GEMIN2: variants seen among roughly 807,000 people sequenced by gnomAD.
GEMIN2 encodes gem-associated protein 2.
In GEMIN2, 37 loss-of-function variants were observed where a neutral mutation model predicts 45.8. That is an observed-to-expected ratio of 0.81 (90% CI 0.62 to 1.06). GEMIN2 has a LOEUF of 1.06. GEMIN2 is among the 50% of genes least tolerant of loss of function. The pLI is 0.00. For missense variants in GEMIN2, 335 were observed against 321.8 expected (o/e 1.04, Z -0.31); for synonymous variants, 101 against 111.5 (o/e 0.91, Z 0.60).
intron 9 of GEMIN2, among the ~76,000 whole-genome samples, chr14:39,136,112 T>G (rs1486919429): frequency 6.6e-6 from 1 of 152,088 alleles, no homozygotes; most frequent in African/African-American, 2.4e-5. Context: ...AAGAAAAATA[T>G]AAACAAACAC....
At chr14:39,127,473 G>A (rs546126652) in intron 6 of GEMIN2, among the ~76,000 whole-genome samples, 15 of 149,658 alleles carry the variant, frequency 1.0e-4, no homozygotes, top group Admixed American at 2.7e-4. Flanking sequence ...CTCCCTAGTA[G>A]CTGGGACTGC....
chr14:39,116,049 CT>C (rs752478065), intron 2 of GEMIN2, among the ~76,000 whole-genome samples: 33 of 147,798 alleles, frequency 2.2e-4, no homozygotes, highest in African/African-American at 2.5e-4. Flanking sequence ...CTTTTTCCCC[CT>C]TTTTTTTTTG....
rs749902948 is a variant in GEMIN2, at chr14:39,122,532, G to C, written c.475G>C (p.Asp159His). ...AGCCACAAATGAAAGTCCTGGAATAGATTATGTACAAGTAAGGGCTGTGTG... is the reference window on the plus strand; with the variant it reads ...AGCCACAAATGAAAGTCCTGGAATACATTATGTACAAGTAAGGGCTGTGTG... ...GPATNESPGI[D>H]YVQIGFPPLL... Residue 159 changes from aspartate to histidine, a missense_variant, in exon 5 of 10, where the codon GAT becomes CAT. Asp to His is a moderately conservative substitution (Grantham distance 81). Transcript: ENST00000308317. 2 of 1,546,640 alleles carry C rather than the reference G, an allele frequency of 1.3e-6. No homozygotes were observed. The highest frequency in any genetic ancestry group is 3.4e-5 in the Admixed American group (2 of 58,656).
chr14:39,133,808 G>GC, intron 9 of GEMIN2, 89 bp downstream of exon 9: 2 of 721,186 alleles, frequency 2.8e-6, no homozygotes, highest in Non-Finnish European at 4.5e-6. Flanking sequence ...TGTTTGGTTG[G>GC]TTTTTTTTTG....
chr14:39,117,242 C>T (rs182567022), intron 2 of GEMIN2, among the ~76,000 whole-genome samples: 1 of 149,096 alleles, frequency 6.7e-6, no homozygotes, highest in East Asian at 2.0e-4. Context: ...TGCACTCCAG[C>T]CTGAGCAACA....
At chr14:39,116,934 G>A (rs898721978) in intron 2 of GEMIN2, among the ~76,000 whole-genome samples, 3 of 152,034 alleles carry the variant, frequency 2.0e-5, no homozygotes, top group African/African-American at 7.2e-5. Context: ...TTTTTGTAGC[G>A]ACGGGGTCTT....
chr14:39,122,831 C>T (rs1011605313), intron 5 of GEMIN2: 7 of 236,722 alleles, frequency 3.0e-5, no homozygotes, highest in Non-Finnish European at 4.8e-5. Context: ...AACAAAACAG[C>T]TTAGTTTCTG....
At position 39,132,019 on chromosome 14, in the gene GEMIN2, C is replaced by T. The variant is rs746367940; in HGVS notation, c.662C>T (p.Ser221Leu). Residue 221 changes from serine (S) to leucine (L), a missense_variant, in exon 8 of 10, where the codon TCA (serine) becomes TTA (leucine). Ser to Leu is a moderately radical substitution (Grantham distance 145, BLOSUM62 -2). Coordinates refer to ENST00000308317, the MANE Select transcript of GEMIN2 (RefSeq NM_003616.3). ...LEKPLLPEAH[S>L]LIRQLARRCS... ...AAGCCTTTGTTACCTGAGGCTCATT[C>T]ACTGATTCGGCAGCTTGCAAGAAGG... 8 of 1,604,270 alleles carry T rather than the reference C, an allele frequency of 5.0e-6. No homozygotes were observed. The highest frequency in any genetic ancestry group is 6.8e-6 in the Non-Finnish European group (8 of 1,171,336).
At chr14:39,128,730 G>C (rs2052678997) in intron 7 of GEMIN2, among the ~76,000 whole-genome samples, 1 of 151,676 alleles carries the variant, frequency 6.6e-6, no homozygotes, top group African/African-American at 2.4e-5. Flanking sequence ...GTCTTGAACT[G>C]AGTCCAAATG....
rs778407936 is a variant in GEMIN2, at chr14:39,128,277, TA to T, written c.532-2del. 2 of 1,517,400 alleles carry T rather than the reference TA, an allele frequency of 1.3e-6. No individual in the cohort carries two copies. Among genetic ancestry groups the T allele is most frequent in the Non-Finnish European group, 1.8e-6 (2 of 1,107,494 alleles). 94.0% of individuals were successfully genotyped at this position (1,517,400 alleles called of 1,614,324 possible). Reference sequence around the variant, plus strand: ...CTTCTCCACCCCCTCTTTTTTTTTTTAGGCAACAGTAACTAGTGTCTTGGAA... The same window carrying T: ...CTTCTCCACCCCCTCTTTTTTTTTTTGGCAACAGTAACTAGTGTCTTGGAA... On this transcript the variant is annotated splice_acceptor_variant, in intron 6 of 9. Transcript: ENST00000308317. LOFTEE classifies it high-confidence loss of function.
At chr14:39,130,191 A>T (rs753348959) in intron 7 of GEMIN2, among the ~76,000 whole-genome samples, 37 of 151,868 alleles carry the variant, frequency 2.4e-4, no homozygotes, top group Non-Finnish European at 4.3e-4. Flanking sequence ...TTTTTTTTAT[A>T]GAAAAAGAAT....
At position 39,136,513 on chromosome 14, in the gene GEMIN2, T is replaced by TCA. The variant is rs766021119; in HGVS notation, c.*35_*36dup. 85 of 1,562,484 alleles carry TCA rather than the reference T, an allele frequency of 5.4e-5. No homozygotes were observed. The highest frequency in any genetic ancestry group is 7.0e-5 in the Non-Finnish European group (79 of 1,135,816). On this transcript the variant is annotated 3_prime_UTR_variant, in exon 10 of 10. Coordinates refer to ENST00000308317, the MANE Select transcript of GEMIN2 (RefSeq NM_003616.3). The stretch of plus-strand genomic sequence containing the variant: ...ATCTCTCAGGGATAGAAGATATTTC[T>TCA]CATGAAGGCAGCCTAACTCTGAGGA...
intron 9 of GEMIN2, among the ~76,000 whole-genome samples, chr14:39,135,113 C>A (rs1021067199): frequency 6.6e-6 from 1 of 151,070 alleles, no homozygotes; most frequent in East Asian, 2.1e-4. Context: ...AAACCTCAGA[C>A]AAGTATAGTT....
rs2052784686 is a variant in GEMIN2, at chr14:39,136,575, T to G, written c.*96T>G. On this transcript the variant is annotated 3_prime_UTR_variant, in exon 10 of 10. Transcript: ENST00000308317. The stretch of plus-strand genomic sequence containing the variant: ...ATTCAAGTACAGATTTCAACACATC[T>G]TCAACACTATGTGAAGGGTTCACAT... 3.3e-6 allele frequency: 3 copies of G among 912,946 alleles called. No individual in the cohort carries two copies. The highest frequency in any genetic ancestry group is 5.4e-6 in the Non-Finnish European group (3 of 553,652). The allele number at this position is 912,946 out of a possible 1,614,324, so 56.6% of individuals were successfully genotyped here. A position where few individuals can be genotyped will look rare whatever the true frequency, so the allele number is the denominator to read the frequency against.
intron 5 of GEMIN2, among the ~76,000 whole-genome samples, chr14:39,122,961 A>G (rs1425171222): frequency 6.6e-6 from 1 of 152,220 alleles, no homozygotes; most frequent in African/African-American, 2.4e-5. Flanking sequence ...TCAGGCAAAC[A>G]GTGTTATGAG....
chr14:39,124,616 C>T (rs1184383780), intron 5 of GEMIN2, among the ~76,000 whole-genome samples: 3 of 151,470 alleles, frequency 2.0e-5, no homozygotes, highest in African/African-American at 7.3e-5. Flanking sequence ...ACCAAAAATA[C>T]AAAAAAATTA....
intron 4 of GEMIN2, among the ~76,000 whole-genome samples, chr14:39,121,050 T>C (rs942339544): frequency 1.3e-5 from 2 of 152,198 alleles, no homozygotes; most frequent in Non-Finnish European, 2.9e-5. Flanking sequence ...AGTAGATCTG[T>C]TTCTTCTTTG....
At chr14:39,114,626 C>A (rs779434757) in intron 1 of GEMIN2, 151 bp downstream of exon 1, 1 of 664,898 alleles carries the variant, frequency 1.5e-6, no homozygotes, top group Non-Finnish European at 2.6e-6. Flanking sequence ...TTCTGTTGAA[C>A]GTGATTGCAC....
rs17108837 is a variant in GEMIN2 at position 39,123,620 on chromosome 14, C to T, written c.486+1077C>T. Among the ~76,000 whole-genome samples, 1,050 of 140,038 alleles carry T rather than the reference C, an allele frequency of 7.5e-3. 61 individuals carry two copies. The East Asian group carries it at 0.14, about 18-fold the overall frequency. 91.9% of individuals were successfully genotyped at this position (140,038 alleles called of 152,430 possible). ...AAATCTTAGGGAAGTTAATTTGGTA[C>T]TCTTTCTATATAACCAATTGATCTT... On this transcript the variant is annotated intron_variant, in intron 5 of 9. Coordinates refer to ENST00000308317, the MANE Select transcript of GEMIN2 (RefSeq NM_003616.3).
Sources: allele counts gnomAD v4.1 joint callset (sites outside exome capture counted in the v4.1 genomes callset), GRCh38; gene constraint gnomAD v4.1.1; transcripts MANE v1.5; gene names NCBI Gene and HGNC (gene_info 2026-07-23, HGNC 2026-07-21).